PALLD: variants seen among roughly 807,000 people sequenced by gnomAD.
The protein encoded by PALLD is palladin.
Under a neutral mutation model 123.5 loss-of-function variants are expected in PALLD, and 61 were observed. That is an observed-to-expected ratio of 0.49 (90% CI 0.40 to 0.61). PALLD has a LOEUF of 0.61. Among genes scored for constraint, PALLD ranks in the 20% least tolerant of loss-of-function variants. The pLI is 0.00. For missense variants in PALLD, 1,273 were observed against 1,377.0 expected (o/e 0.92, Z 1.20); for synonymous variants, 465 against 496.4 (o/e 0.94, Z 0.84).
intron 3 of PALLD, chr4:168,678,015 G>A (rs1781041217): frequency 6.6e-6 from 1 of 152,318 alleles, no homozygotes; most frequent in African/African-American, 2.4e-5. Context: ...CCACTTCCCA[G>A]TTCTCTTTCT....
intron 2 of PALLD, among the ~76,000 whole-genome samples, chr4:168,601,907 C>A (rs750514008): frequency 3.9e-5 from 6 of 152,160 alleles, no homozygotes; most frequent in African/African-American, 7.2e-5. Flanking sequence ...TCTTATCTAC[C>A]TTCCCTCTAT....
chr4:168,678,511 G>GT (rs1233777522), intron 3 of PALLD, among the ~76,000 whole-genome samples: 3 of 152,104 alleles, frequency 2.0e-5, no homozygotes, highest in Non-Finnish European at 2.9e-5. Context: ...GGAAGATAGC[G>GT]TATCAAGAAA....
At chr4:168,882,296 T>C (rs1455885751) in intron 10 of PALLD, among the ~76,000 whole-genome samples, 2 of 152,198 alleles carry the variant, frequency 1.3e-5, no homozygotes, top group Admixed American at 6.5e-5. Flanking sequence ...TTCCCAGGGT[T>C]CTGGAAGAAA....
At chr4:168,591,776 G>T (rs1399764658) in intron 2 of PALLD, among the ~76,000 whole-genome samples, 1 of 152,024 alleles carries the variant, frequency 6.6e-6, no homozygotes, top group East Asian at 1.9e-4. Flanking sequence ...TTTCCTAAAA[G>T]AATAATTTAA....
chr4:168,701,732 GT>G (rs1456148109), intron 8 of PALLD, among the ~76,000 whole-genome samples: 1 of 152,194 alleles, frequency 6.6e-6, no homozygotes, highest in Non-Finnish European at 1.5e-5. Context: ...GTCTTTCCAG[GT>G]GTAGATGATT....
chr4:168,890,063 T>C (rs1268607611), intron 10 of PALLD, among the ~76,000 whole-genome samples: 1 of 152,210 alleles, frequency 6.6e-6, no homozygotes, highest in Non-Finnish European at 1.5e-5. Context: ...CTATTTCTCA[T>C]TAATTTTTGT....
intron 10 of PALLD, among the ~76,000 whole-genome samples, chr4:168,819,327 TTGTGTGTGTGTGTGTG>T (rs3046003): frequency 8.1e-5 from 12 of 148,942 alleles, no homozygotes; most frequent in East Asian, 2.0e-4. Context: ...CCGAGACCAT[TTGTGTGTGTGTGTGTG>T]TGTGTGTGTG....
At chr4:168,783,046 A>ATGTGTGTGTG (rs150595576) in intron 10 of PALLD, among the ~76,000 whole-genome samples, 26 of 116,162 alleles carry the variant, frequency 2.2e-4, no homozygotes, top group African/African-American at 3.8e-4. Flanking sequence ...TTATATATAT[A>ATGTGTGTGTG]TGTGTGTGTG....
intron 10 of PALLD, among the ~76,000 whole-genome samples, chr4:168,788,129 T>C (rs560068050): frequency 6.6e-6 from 1 of 152,192 alleles, no homozygotes; most frequent in Non-Finnish European, 1.5e-5. Context: ...CTCACTCCCA[T>C]AGATAGAAGG....
At chr4:168,499,519 C>A (rs1561175306) in intron 1 of PALLD, among the ~76,000 whole-genome samples, 1 of 144,336 alleles carries the variant, frequency 6.9e-6, no homozygotes, top group Non-Finnish European at 1.5e-5. Flanking sequence ...CAATGGTTTG[C>A]ATTACTTTTT....
intron 6 of PALLD, among the ~76,000 whole-genome samples, chr4:168,687,545 C>T (rs78889226): frequency 0.023 from 3,485 of 152,240 alleles, 122 homozygotes; most frequent in African/African-American, 0.079. Flanking sequence ...GGGCCCAACA[C>T]GCCTCTTGGT....
At chr4:168,618,484 C>A (rs923000747) in intron 2 of PALLD, among the ~76,000 whole-genome samples, 1 of 152,134 alleles carries the variant, frequency 6.6e-6, no homozygotes, top group African/African-American at 2.4e-5. Context: ...AAGGGCCATA[C>A]TCGTACAGGT....
chr4:168,829,197 G>C (rs899488155), intron 10 of PALLD: 1 of 152,236 alleles, frequency 6.6e-6, no homozygotes, highest in Admixed American at 6.5e-5. Context: ...TTTTGCATCA[G>C]TGCCTTAAAT....
chr4:168,586,933 G>A (rs1370671377), intron 2 of PALLD, among the ~76,000 whole-genome samples: 1 of 152,164 alleles, frequency 6.6e-6, no homozygotes, highest in African/African-American at 2.4e-5. Context: ...ATAAGAGAGT[G>A]AGTAAAAAGG....
At chr4:168,925,338 G>A in intron 21 of PALLD, 60 bp downstream of exon 21, 2 of 1,298,520 alleles carry the variant, frequency 1.5e-6, no homozygotes, top group Non-Finnish European at 2.2e-6. Flanking sequence ...TCTTACATTG[G>A]CTAGTTAGTT....
At chr4:168,778,690 G>T (rs142098605) in intron 10 of PALLD, among the ~76,000 whole-genome samples, 1 of 152,176 alleles carries the variant, frequency 6.6e-6, no homozygotes, top group East Asian at 1.9e-4. Flanking sequence ...CCTTACTTGC[G>T]TAAGGAAACT....
At chr4:168,583,605 A>G (rs1168288867) in intron 2 of PALLD, among the ~76,000 whole-genome samples, 1 of 152,152 alleles carries the variant, frequency 6.6e-6, no homozygotes, top group Non-Finnish European at 1.5e-5. Context: ...CAGTGCACCA[A>G]TCAGTTTGAT....
In PALLD at chr4:168,507,328, A is replaced by G. The variant is rs1335542495; in HGVS notation, c.-82-4095A>G. On this transcript the variant is annotated intron_variant, in intron 1 of 21. Coordinates refer to ENST00000505667, the MANE Select transcript of PALLD (RefSeq NM_001166108.2). ...TTCCTTTCTATCATCTATCTTATGG[A>G]CCCTGGACCCACTGCTTCCCTGAAT... is the stretch of plus-strand genomic sequence containing the variant. 3 of 178,746 alleles carry G rather than the reference A, an allele frequency of 1.7e-5. No homozygotes were observed. The East Asian group carries it at 2.8e-4, about 17-fold the overall frequency. 11.1% of individuals were successfully genotyped at this position (178,746 alleles called of 1,614,324 possible). A position where few individuals can be genotyped will look rare whatever the true frequency, so the allele number is the denominator to read the frequency against.
At chr4:168,806,929 T>C (rs1254082459) in intron 10 of PALLD, among the ~76,000 whole-genome samples, 1 of 152,244 alleles carries the variant, frequency 6.6e-6, no homozygotes, top group African/African-American at 2.4e-5. Flanking sequence ...TTTACACACA[T>C]ACATATATGT....
Sources: gnomAD v4.1 joint callset for allele counts (sites outside exome capture counted in the v4.1 genomes callset) on GRCh38, gnomAD v4.1.1 for gene constraint, MANE v1.5 for transcripts, NCBI Gene and HGNC (gene_info 2026-07-23, HGNC 2026-07-21) for gene names.